The following CWC27 variants were observed in gnomAD, a reference collection of about 807,000 sequenced individuals.
The protein encoded by CWC27 is CWC27 spliceosome associated cyclophilin.
Under a neutral mutation model 63.6 loss-of-function variants are expected in CWC27, and 47 were observed. The ratio of observed to expected loss-of-function variants is 0.74; its 90% confidence interval spans 0.58 to 0.94. The LOEUF is 0.94. Among genes scored for constraint, CWC27 ranks in the 40% least tolerant of loss-of-function variants. The pLI is 0.00. For missense variants in CWC27, 495 were observed against 554.3 expected, an observed-to-expected ratio of 0.89 and a Z score of 1.07; for synonymous variants, 175 against 179.8, an observed-to-expected ratio of 0.97 and a Z score of 0.22.
intron 13 of CWC27, among the ~76,000 whole-genome samples, chr5:64,992,094 A>T (rs963959294): frequency 1.3e-5 from 2 of 152,156 alleles, no homozygotes; most frequent in African/African-American, 4.8e-5. Flanking sequence ...TTTTTAAGCA[A>T]ATATTTGTAT....
intron 13 of CWC27, among the ~76,000 whole-genome samples, chr5:65,004,864 A>G (rs1280599631): frequency 3.5e-4 from 4 of 11,302 alleles, no homozygotes; most frequent in African/African-American, 5.5e-4. Flanking sequence ...ACTTTTTCAT[A>G]TATATATATA....
chr5:64,825,367 T>A (rs1745330510), intron 10 of CWC27, among the ~76,000 whole-genome samples: 1 of 152,182 alleles, frequency 6.6e-6, no homozygotes, highest in Admixed American at 6.5e-5. Flanking sequence ...TCAACTTCTG[T>A]GAAAGTTATA....
At chr5:64,907,602 T>C (rs921150449) in intron 11 of CWC27, among the ~76,000 whole-genome samples, 24 of 152,248 alleles carry the variant, frequency 1.6e-4, no homozygotes, top group Non-Finnish European at 2.8e-4. Flanking sequence ...AATCATGTCA[T>C]CTGCAAAGAG....
chr5:64,858,864 T>A (rs568215557), intron 10 of CWC27, among the ~76,000 whole-genome samples: 5 of 152,348 alleles, frequency 3.3e-5, no homozygotes, highest in African/African-American at 9.6e-5. Flanking sequence ...ATATTCTTTA[T>A]GACCCATCAT....
intron 10 of CWC27, among the ~76,000 whole-genome samples, chr5:64,865,314 G>A (rs1446220504): frequency 6.6e-6 from 1 of 152,004 alleles, no homozygotes; most frequent in Non-Finnish European, 1.5e-5. Flanking sequence ...GAGCCCAAAT[G>A]GCCCACTTCT....
chr5:64,897,048 C>G (rs1277799447), intron 11 of CWC27, among the ~76,000 whole-genome samples: 1 of 152,006 alleles, frequency 6.6e-6, no homozygotes, highest in African/African-American at 2.4e-5. Context: ...CTCATTTCTA[C>G]TAAAATACAA....
intron 11 of CWC27, among the ~76,000 whole-genome samples, chr5:64,956,137 A>T (rs1262303577): frequency 6.6e-6 from 1 of 152,188 alleles, no homozygotes; most frequent in Non-Finnish European, 1.5e-5. Flanking sequence ...GGTTCAACAC[A>T]TTTAACTTTA....
chr5:64,833,878 C>T (rs1745591959), intron 10 of CWC27, among the ~76,000 whole-genome samples: 1 of 151,496 alleles, frequency 6.6e-6, no homozygotes, highest in African/African-American at 2.4e-5. Context: ...GCCGGAACTT[C>T]TGATTGAAAG....
At chr5:64,834,811 T>C (rs1745619315) in intron 10 of CWC27, among the ~76,000 whole-genome samples, 1 of 151,734 alleles carries the variant, frequency 6.6e-6, no homozygotes, top group African/African-American at 2.4e-5. Context: ...TCCTTTCCCC[T>C]GAGCCATCTC....
intron 11 of CWC27, among the ~76,000 whole-genome samples, chr5:64,906,532 G>T (rs1343460071): frequency 6.6e-6 from 1 of 151,870 alleles, no homozygotes; most frequent in Admixed American, 6.6e-5. Flanking sequence ...TTTTTCTCTT[G>T]CAAATTTGTT....
intron 10 of CWC27, among the ~76,000 whole-genome samples, chr5:64,858,054 C>CG (rs1746297086): frequency 8.1e-6 from 1 of 123,876 alleles, no homozygotes; most frequent in African/African-American, 3.1e-5. Flanking sequence ...AGGAGAATGG[C>CG]GTGAACCCGG....
chr5:64,920,361 G>A (rs1580727206), intron 11 of CWC27, among the ~76,000 whole-genome samples: 1 of 152,254 alleles, frequency 6.6e-6, no homozygotes. Flanking sequence ...ATGTGCTGCT[G>A]GATTTGGTTT....
intron 13 of CWC27, among the ~76,000 whole-genome samples, chr5:64,999,528 C>T (rs1213372499): frequency 1.3e-5 from 2 of 152,196 alleles, no homozygotes; most frequent in East Asian, 1.9e-4. Flanking sequence ...CATCATTCTA[C>T]TGTATACTTC....
chr5:64,769,260 A>C, intron 1 of CWC27, 72 bp downstream of exon 1: 1 of 1,382,950 alleles, frequency 7.2e-7, no homozygotes, highest in Middle Eastern at 1.8e-4. Context: ...TGGGGTGGGG[A>C]GTGGGTTTCA....
chr5:64,930,039 T>G (rs893062061), intron 11 of CWC27, among the ~76,000 whole-genome samples: 3 of 152,146 alleles, frequency 2.0e-5, no homozygotes, highest in African/African-American at 7.2e-5. Flanking sequence ...TGAAAAGGAA[T>G]AAAGTACTGA....
At chr5:64,980,312 C>T (rs1295061589) in intron 13 of CWC27, among the ~76,000 whole-genome samples, 1 of 151,980 alleles carries the variant, frequency 6.6e-6, no homozygotes, top group Non-Finnish European at 1.5e-5. Flanking sequence ...TTTATGAAAC[C>T]GATTAGACAC....
At chr5:64,776,049 G>A (rs1743429407) in intron 2 of CWC27, among the ~76,000 whole-genome samples, 2 of 148,762 alleles carry the variant, frequency 1.3e-5, no homozygotes, top group South Asian at 4.3e-4. Flanking sequence ...CCAAAAGAGA[G>A]AGGTGGGGAG....
At chr5:64,797,422 A>C (rs1325666213) in intron 7 of CWC27, among the ~76,000 whole-genome samples, 3 of 152,108 alleles carry the variant, frequency 2.0e-5, no homozygotes, top group African/African-American at 7.2e-5. Flanking sequence ...TTCAGAGTCT[A>C]CTGTAGTGGG....
chr5:64,844,538 G>A (rs1284966071), intron 10 of CWC27, among the ~76,000 whole-genome samples: 1 of 152,088 alleles, frequency 6.6e-6, no homozygotes, highest in East Asian at 1.9e-4. Flanking sequence ...AGAAGTGAAG[G>A]GTCTATACCA....
Sources: gnomAD v4.1 joint callset for allele counts (sites outside exome capture counted in the v4.1 genomes callset) on GRCh38, gnomAD v4.1.1 for gene constraint, MANE v1.5 for transcripts, NCBI Gene and HGNC (gene_info 2026-07-23, HGNC 2026-07-21) for gene names.